The following FOXN3 variants were observed in gnomAD, a reference collection of about 807,000 sequenced individuals.
FOXN3 encodes the protein forkhead box protein N3.
Under a neutral mutation model 38.4 loss-of-function variants are expected in FOXN3, and 7 were observed. The observed-to-expected ratio is 0.18, with a 90% CI of 0.10 to 0.34. The LOEUF (loss-of-function observed/expected upper bound fraction) is 0.34, where lower values mean the gene tolerates loss of function less well. FOXN3 is among the 10% of genes least tolerant of loss of function. FOXN3 has a pLI of 1.00. For synonymous variants in FOXN3, 230 were observed against 242.2 expected, an observed-to-expected ratio of 0.95 and a Z score of 0.47; for missense variants, 456 against 613.4, an observed-to-expected ratio of 0.74 and a Z score of 2.71.
At chr14:89,617,041 T>C (rs1896508630) in intron 1 of FOXN3, among the ~76,000 whole-genome samples, 1 of 152,156 alleles carries the variant, frequency 6.6e-6, no homozygotes, top group Non-Finnish European at 1.5e-5. Flanking sequence ...TTGTTTCTTT[T>C]TAAGTGGTGG....
Position 89,168,621 on chromosome 14 carries a change from C to T in FOXN3, c.852-5652G>A, listed in dbSNP as rs150073531. Among the ~76,000 whole-genome samples, 802 of 152,134 alleles carry T rather than the reference C, an allele frequency of 5.3e-3. 10 individuals are homozygous for T. Among genetic ancestry groups the T allele is most frequent in the African/African-American group, 0.018 (760 of 41,498 alleles). ...AATATGGAAGAAAGGTTGGATGAGA[C>T]GGAACACAGAAAGAAGAACCAACGG... On this transcript the variant is annotated intron_variant, in intron 5 of 5. Coordinates refer to ENST00000557258, the MANE Select transcript of FOXN3 (RefSeq NM_005197.4).
chr14:89,181,014 G>A (rs557422653), intron 4 of FOXN3, among the ~76,000 whole-genome samples: 8 of 149,866 alleles, frequency 5.3e-5, no homozygotes, highest in African/African-American at 4.9e-5. Flanking sequence ...AGTCATGCAC[G>A]CGCACACACA....
chr14:89,465,828 C>T (rs1892966847), intron 1 of FOXN3, among the ~76,000 whole-genome samples: 1 of 152,212 alleles, frequency 6.6e-6, no homozygotes, highest in South Asian at 2.1e-4. Context: ...CAAGAGCTTT[C>T]TAGATGCAGT....
intron 4 of FOXN3, among the ~76,000 whole-genome samples, chr14:89,215,806 C>A (rs896448914): frequency 7.2e-5 from 11 of 151,938 alleles, no homozygotes; most frequent in African/African-American, 2.7e-4. Context: ...CTGGCGGCGG[C>A]GGCAAGACAG....
At chr14:89,297,048 T>TC in intron 3 of FOXN3, among the ~76,000 whole-genome samples, 1 of 152,240 alleles carries the variant, frequency 6.6e-6, no homozygotes, top group East Asian at 1.9e-4. Flanking sequence ...CCCAAACCTG[T>TC]CCAAAGTGCC....
At chr14:89,268,423 T>C (rs912804108) in intron 4 of FOXN3, among the ~76,000 whole-genome samples, 1 of 152,206 alleles carries the variant, frequency 6.6e-6, no homozygotes, top group Non-Finnish European at 1.5e-5. Context: ...AAATCACCAG[T>C]GCTGTATACT....
Position 89,529,045 on chromosome 14 carries a change from T to G in FOXN3, c.-15+89983A>C, listed in dbSNP as rs556408064. Among the ~76,000 whole-genome samples the G allele has an allele frequency of 5.3e-5, 8 of 152,322 alleles. No homozygotes were observed. In the East Asian group the frequency reaches 1.5e-3, roughly 29 times the overall value. On this transcript the variant is annotated intron_variant, in intron 1 of 6. Transcript: ENST00000345097. ...GTTATTTTTGAAAGATTACCTGATA[T>G]GTTAAGACATGCTTCCTAAAGTTTT...
At chr14:89,437,744 T>C (rs1331366895) in intron 1 of FOXN3, among the ~76,000 whole-genome samples, 1 of 152,234 alleles carries the variant, frequency 6.6e-6, no homozygotes, top group Non-Finnish European at 1.5e-5. Flanking sequence ...GGCTGCTCTG[T>C]CTATGGAATA....
chr14:89,344,092 C>A (rs1888698762), intron 3 of FOXN3, among the ~76,000 whole-genome samples: 1 of 152,132 alleles, frequency 6.6e-6, no homozygotes, highest in East Asian at 1.9e-4. Flanking sequence ...TCTAACTCTG[C>A]AAATTTTATA....
chr14:89,531,028 T>C (rs1894553017), intron 1 of FOXN3, among the ~76,000 whole-genome samples: 1 of 147,834 alleles, frequency 6.8e-6, no homozygotes, highest in Non-Finnish European at 1.5e-5. Context: ...TCTACACATA[T>C]ATAATATATA....
chr14:89,408,449 CAT>C (rs1037795333), intron 2 of FOXN3, among the ~76,000 whole-genome samples: 42 of 151,752 alleles, frequency 2.8e-4, no homozygotes, highest in African/African-American at 9.4e-4. Context: ...TTTGTAGAGA[CAT>C]ACATGTTGCC....
chr14:89,550,331 A>T (rs1237877122), intron 1 of FOXN3, among the ~76,000 whole-genome samples: 1 of 152,190 alleles, frequency 6.6e-6, no homozygotes, highest in African/African-American at 2.4e-5. Context: ...CAAAATGTAT[A>T]AAAAACTTGT....
intron 2 of FOXN3, among the ~76,000 whole-genome samples, chr14:89,396,746 C>T (rs1002511638): frequency 2.0e-5 from 3 of 150,760 alleles, no homozygotes; most frequent in Non-Finnish European, 2.9e-5. Context: ...ACAGGAGAAT[C>T]GCTTGAAACC....
intron 1 of FOXN3, among the ~76,000 whole-genome samples, chr14:89,538,514 C>T (rs1489042474): frequency 2.0e-5 from 3 of 152,130 alleles, no homozygotes; most frequent in African/African-American, 7.2e-5. Flanking sequence ...TTTTCCTTTT[C>T]TTTTCTCTTT....
intron 4 of FOXN3, among the ~76,000 whole-genome samples, chr14:89,197,931 C>T (rs1888139253): frequency 6.6e-6 from 1 of 152,178 alleles, no homozygotes; most frequent in Admixed American, 6.5e-5. Flanking sequence ...GACTTCTTTG[C>T]TTTGAAATAT....
intron 1 of FOXN3, among the ~76,000 whole-genome samples, chr14:89,612,091 T>G (rs1896404855): frequency 6.6e-6 from 1 of 152,084 alleles, no homozygotes; most frequent in Admixed American, 6.6e-5. Flanking sequence ...TCAGGGGACT[T>G]GACAGTGAGA....
At chr14:89,582,571 G>C (rs1343576967) in intron 1 of FOXN3, among the ~76,000 whole-genome samples, 1 of 145,612 alleles carries the variant, frequency 6.9e-6, no homozygotes, top group Non-Finnish European at 1.5e-5. Flanking sequence ...GTCACTGCAA[G>C]CTCCACCTCC....
At chr14:89,365,084 A>G (rs1243160463) in intron 2 of FOXN3, among the ~76,000 whole-genome samples, 3 of 152,230 alleles carry the variant, frequency 2.0e-5, no homozygotes, top group Non-Finnish European at 2.9e-5. Flanking sequence ...GAATTACAAA[A>G]GAAACGCAGA....
intron 1 of FOXN3, among the ~76,000 whole-genome samples, chr14:89,553,843 T>TAAGGAGTCAACACAA (rs1300786112): frequency 6.6e-6 from 1 of 152,114 alleles, no homozygotes; most frequent in East Asian, 1.9e-4. Flanking sequence ...TTTGCAGTTG[T>TAAGGAGTCAACACAA]AAGGAGTCAA....
Sources: allele counts gnomAD v4.1 joint callset (sites outside exome capture counted in the v4.1 genomes callset), GRCh38; gene constraint gnomAD v4.1.1; transcripts MANE v1.5; gene names NCBI Gene and HGNC (gene_info 2026-07-23, HGNC 2026-07-21).